Variants in YWHAQ observed in about 807,000 individuals in gnomAD.
YWHAQ encodes tyrosine 3-monooxygenase/tryptophan 5-monooxygenase activation protein theta, also known as 14-3-3 protein theta.
A neutral mutation model predicts 28.3 loss-of-function variants in YWHAQ; 6 were observed. That is an observed-to-expected ratio of 0.21 (90% CI 0.12 to 0.42). The LOEUF (loss-of-function observed/expected upper bound fraction) is 0.42, where lower values mean the gene tolerates loss of function less well. YWHAQ is among the 10% of genes least tolerant of loss of function. YWHAQ has a pLI of 1.00. For missense variants in YWHAQ, 201 were observed against 305.6 expected (o/e 0.66, Z 2.55); for synonymous variants, 143 against 119.1 (o/e 1.20, Z -1.31).
In YWHAQ at chr2:9,584,994, T is replaced by A. The variant is rs187340849; in HGVS notation, c.*292A>T. ...CACTTGCAGAACTGGTTCAGATTACTTAAATACCAGATACATTTTTAGTCC... is the reference window on the plus strand; with the variant it reads ...CACTTGCAGAACTGGTTCAGATTACATAAATACCAGATACATTTTTAGTCC... On this transcript the variant is annotated 3_prime_UTR_variant, in exon 6 of 6. Transcript: ENST00000238081. 5.8e-6 allele frequency: 2 copies of A among 344,326 alleles called. No homozygotes were observed. The highest frequency in any genetic ancestry group is 8.8e-5 in the Admixed American group (2 of 22,800). 21.3% of individuals were successfully genotyped at this position (344,326 alleles called of 1,614,324 possible). A position where few individuals can be genotyped will look rare whatever the true frequency, so the allele number is the denominator to read the frequency against.
intron 2 of YWHAQ, among the ~76,000 whole-genome samples, chr2:9,594,758 T>C (rs1193732197): frequency 6.6e-6 from 1 of 152,200 alleles, no homozygotes; most frequent in Non-Finnish European, 1.5e-5. Context: ...CTGTGGTAGA[T>C]TTGTAAGAGC....
At chr2:9,607,709 CTCTT>C (rs1558546944) in intron 2 of YWHAQ, among the ~76,000 whole-genome samples, 1 of 126,980 alleles carries the variant, frequency 7.9e-6, no homozygotes, top group African/African-American at 3.4e-5. Flanking sequence ...TAAATTCTTC[CTCTT>C]TTTTTTTTTT....
intron 2 of YWHAQ, among the ~76,000 whole-genome samples, chr2:9,605,294 C>T (rs984688487): frequency 1.3e-5 from 2 of 151,282 alleles, no homozygotes; most frequent in African/African-American, 4.9e-5. Context: ...CATACCACCA[C>T]ATCTGGCTAA....
Position 9,588,150 on chromosome 2 carries a change from G to C in YWHAQ, c.582+15C>G, listed in dbSNP as rs201336910. ...ACTGTAGCTAAAGTACGTATTTCCT[G>C]GACACACATCTTACCGTTTTAGCCA... On this transcript the variant is annotated intron_variant, in intron 4 of 5. Transcript: ENST00000238081. 89 of 1,521,318 alleles carry C rather than the reference G, an allele frequency of 5.9e-5. No individual in the cohort carries two copies. Among genetic ancestry groups the C allele is most frequent in the Non-Finnish European group, 7.4e-5 (85 of 1,143,660 alleles). 94.2% of individuals were successfully genotyped at this position (1,521,318 alleles called of 1,614,324 possible). A position where few individuals can be genotyped will look rare whatever the true frequency, so the allele number is the denominator to read the frequency against.
At chr2:9,617,379 G>C (rs1667059198) in intron 2 of YWHAQ, among the ~76,000 whole-genome samples, 1 of 152,078 alleles carries the variant, frequency 6.6e-6, no homozygotes, top group Non-Finnish European at 1.5e-5. Flanking sequence ...GACACAAAAA[G>C]ACAACTATTC....
At chr2:9,612,778 G>A (rs1168379922) in intron 2 of YWHAQ, among the ~76,000 whole-genome samples, 3 of 152,130 alleles carry the variant, frequency 2.0e-5, no homozygotes, top group Non-Finnish European at 2.9e-5. Flanking sequence ...AAAGCCACCC[G>A]AGCCCATGAG....
chr2:9,626,275 G>A (rs181607492), intron 2 of YWHAQ, among the ~76,000 whole-genome samples: 130 of 152,284 alleles, frequency 8.5e-4, no homozygotes, highest in Admixed American at 1.5e-3. Flanking sequence ...AAACTGCCTG[G>A]TTCTTATTCC....
intron 2 of YWHAQ, among the ~76,000 whole-genome samples, chr2:9,626,820 T>C (rs547310180): frequency 6.6e-5 from 10 of 152,344 alleles, no homozygotes; most frequent in Non-Finnish European, 1.3e-4. Flanking sequence ...TCTGAAGCCA[T>C]TTCCCTAAAG....
At chr2:9,629,598 C>T (rs1194692196) in intron 2 of YWHAQ, among the ~76,000 whole-genome samples, 1 of 151,910 alleles carries the variant, frequency 6.6e-6, no homozygotes, top group African/African-American at 2.4e-5. Flanking sequence ...TCAGATACAG[C>T]TGTGTCCTTT....
intron 2 of YWHAQ, among the ~76,000 whole-genome samples, chr2:9,602,896 T>G (rs1248519647): frequency 1.0e-5 from 1 of 99,088 alleles, no homozygotes; most frequent in African/African-American, 3.5e-5. Flanking sequence ...TATATATATA[T>G]ATATATAGTA....
intron 2 of YWHAQ, among the ~76,000 whole-genome samples, chr2:9,609,816 A>G (rs1185844371): frequency 3.3e-5 from 5 of 152,236 alleles, no homozygotes; most frequent in Admixed American, 2.6e-4. Flanking sequence ...GTGCAAAAAC[A>G]TAAAGACGTT....
At chr2:9,617,127 A>AT (rs566898850) in intron 2 of YWHAQ, among the ~76,000 whole-genome samples, 27,880 of 140,132 alleles carry the variant, frequency 0.2, 2,867 homozygotes, top group Middle Eastern at 0.25. Flanking sequence ...CGCCCGGCTA[A>AT]TTTTTTTTTT....
At chr2:9,620,192 A>AC (rs1667117096) in intron 2 of YWHAQ, among the ~76,000 whole-genome samples, 1 of 152,148 alleles carries the variant, frequency 6.6e-6, no homozygotes, top group African/African-American at 2.4e-5. Context: ...TTGCACCATT[A>AC]TTTTTCCATT....
In YWHAQ at chr2:9,594,808, TGAG is replaced by T. The variant is rs1666536684; in HGVS notation, c.295-3296_295-3294del. On this transcript the variant is annotated intron_variant, in intron 2 of 5. Coordinates refer to ENST00000238081, the MANE Select transcript of YWHAQ (RefSeq NM_006826.4). ...GTCTGACTAGAACAATGGCTTAGGGTGAGGAGTAGGGAAGAGAGAAATTTCCAT... is the reference window on the plus strand; with the variant it reads ...GTCTGACTAGAACAATGGCTTAGGGTGAGTAGGGAAGAGAGAAATTTCCAT... Among the ~76,000 whole-genome samples the T allele has an allele frequency of 6.6e-5, 10 of 152,150 alleles. No individual in the cohort carries two copies. In the South Asian group the frequency reaches 2.1e-3, roughly 32 times the overall value.
chr2:9,622,537 G>A (rs1257456783), intron 2 of YWHAQ, among the ~76,000 whole-genome samples: 2 of 152,076 alleles, frequency 1.3e-5, no homozygotes, highest in African/African-American at 4.8e-5. Flanking sequence ...GTACCTATGC[G>A]CCTTGGCCCC....
chr2:9,619,387 A>G (rs767429515), intron 2 of YWHAQ, among the ~76,000 whole-genome samples: 2 of 152,202 alleles, frequency 1.3e-5, no homozygotes, highest in African/African-American at 4.8e-5. Context: ...ACAGCAAGAA[A>G]TAAGGCATGA....
At chr2:9,608,182 T>A (rs920604449) in intron 2 of YWHAQ, among the ~76,000 whole-genome samples, 3 of 152,136 alleles carry the variant, frequency 2.0e-5, no homozygotes, top group South Asian at 2.1e-4. Context: ...GGAGAATACC[T>A]CCCTCTTCTA....
intron 2 of YWHAQ, among the ~76,000 whole-genome samples, chr2:9,600,709 A>G (rs2125066016): frequency 6.6e-6 from 1 of 151,984 alleles, no homozygotes; most frequent in Non-Finnish European, 1.5e-5. Flanking sequence ...CTGTCTCAAA[A>G]AAAAAGAAAA....
chr2:9,602,841 AAAAAAAAAAAAAAAAAAAAAAATATAT>A (rs1466725280), intron 2 of YWHAQ, among the ~76,000 whole-genome samples: 164 of 24,310 alleles, frequency 6.7e-3, no homozygotes, highest in African/African-American at 0.027. Context: ...AAAAAAAAAA[AAAAAAAAAAAAAAAAAAAAAAATATAT>A]ATATATATAT....
Sources: gnomAD v4.1 joint callset for allele counts (sites outside exome capture counted in the v4.1 genomes callset) on GRCh38, gnomAD v4.1.1 for gene constraint, MANE v1.5 for transcripts, NCBI Gene and HGNC (gene_info 2026-07-23, HGNC 2026-07-21) for gene names.